The following SFRP1 variants were observed in gnomAD, a reference collection of about 807,000 sequenced individuals.
The protein encoded by SFRP1 is secreted frizzled related protein 1.
In SFRP1, 9 loss-of-function variants were observed where a neutral mutation model predicts 25.9. The ratio of observed to expected loss-of-function variants is 0.35; its 90% CI spans 0.21 to 0.61. The LOEUF (loss-of-function observed/expected upper bound fraction) is 0.61. SFRP1 is among the 20% of genes least tolerant of loss of function. The pLI, the probability that SFRP1 is intolerant of heterozygous loss-of-function variation, is 0.78. For synonymous variants in SFRP1, 178 were observed against 174.0 expected (o/e 1.02, Z -0.18); for missense variants, 346 against 418.2 (o/e 0.83, Z 1.51).
At chr8:41,273,573 G>A (rs1194237624) in intron 2 of SFRP1, among the ~76,000 whole-genome samples, 1 of 152,062 alleles carries the variant, frequency 6.6e-6, no homozygotes, top group Non-Finnish European at 1.5e-5. Context: ...ATAAGAGAAG[G>A]AATGATTAAA....
At chr8:41,265,511 G>C in intron 2 of SFRP1, 22 bp from the exon 3 acceptor site, 10 of 1,549,456 alleles carry the variant, frequency 6.5e-6, no homozygotes, top group Non-Finnish European at 7.9e-6. Context: ...GAGGACAGAA[G>C]AAGAGAAAAG....
At chr8:41,287,164 C>T (rs1240307597) in intron 2 of SFRP1, among the ~76,000 whole-genome samples, 2 of 152,232 alleles carry the variant, frequency 1.3e-5, no homozygotes, top group Non-Finnish European at 1.5e-5. Context: ...AGCCTTGGCC[C>T]TCACATCTGT....
chr8:41,304,140 G>A (rs1032660594), intron 1 of SFRP1, among the ~76,000 whole-genome samples: 2 of 152,146 alleles, frequency 1.3e-5, no homozygotes, highest in African/African-American at 2.4e-5. Context: ...TGCCAAATGG[G>A]AGGACAGGGC....
Position 41,308,839 on chromosome 8 carries a change from G to A in SFRP1, c.321C>T (p.Ala107=), listed in dbSNP as rs774962972. Residue 107 remains alanine, a synonymous_variant, in exon 1 of 3, where the codon GCC becomes GCT. Coordinates refer to ENST00000220772, the MANE Select transcript of SFRP1 (RefSeq NM_003012.5). ...GCGAGCAGAGGAAGACCTGGGTGCCGGCGTGGCAGTTCTTGTTGAGCAGGG... is the reference window on the plus strand; with the variant it reads ...GCGAGCAGAGGAAGACCTGGGTGCCAGCGTGGCAGTTCTTGTTGAGCAGGG... ...WVPLLNKNCH[A]GTQVFLCSLF... The A allele has an allele frequency of 1.0e-4, 168 of 1,609,792 alleles. No homozygotes were observed. In the Middle Eastern group the frequency reaches 4.1e-3, roughly 39 times the overall value.
Position 41,296,335 on chromosome 8 carries a change from T to A in SFRP1, c.622+7126A>T, listed in dbSNP as rs72642751. 7.2e-3 allele frequency among the ~76,000 whole-genome samples: 1,098 copies of A among 152,348 alleles called. 10 individuals are homozygous for A. The highest frequency in any genetic ancestry group is 0.01 in the Non-Finnish European group (696 of 68,034). ...TTTATTTTACTGCCAGATAAACAAC[T>A]TTCTTTGATAAATCATCCGTGTGAC... is the stretch of plus-strand genomic sequence containing the variant. On this transcript the variant is annotated intron_variant, in intron 2 of 2. Coordinates refer to ENST00000220772, the MANE Select transcript of SFRP1 (RefSeq NM_003012.5).
chr8:41,293,926 C>CTTT (rs576425485), intron 2 of SFRP1, among the ~76,000 whole-genome samples: 1 of 139,282 alleles, frequency 7.2e-6, no homozygotes, highest in Admixed American at 7.2e-5. Flanking sequence ...TATCTGGCTA[C>CTTT]TTTTTTTTTT....
chr8:41,270,336 G>GA lies in SFRP1; in HGVS notation c.623-4848dup, dbSNP rs1195007287. On this transcript the variant is annotated intron_variant, in intron 2 of 2. Transcript: ENST00000220772. ...AAACACATGCAAGAAAGTGGTAAAG[G>GA]AAAAAAGAACATATCAACATTTTGT... Among the ~76,000 whole-genome samples, 7 of 152,222 alleles carry GA rather than the reference G, an allele frequency of 4.6e-5. No homozygotes were observed. The East Asian group carries it at 7.7e-4, about 17-fold the overall frequency.
intron 2 of SFRP1, among the ~76,000 whole-genome samples, chr8:41,292,770 C>T (rs1803794080): frequency 6.6e-6 from 1 of 152,200 alleles, no homozygotes. Flanking sequence ...ATCATCTCTG[C>T]AAGAGTGCAC....
At chr8:41,306,024 C>T (rs1803991246) in intron 1 of SFRP1, among the ~76,000 whole-genome samples, 1 of 152,190 alleles carries the variant, frequency 6.6e-6, no homozygotes, top group Non-Finnish European at 1.5e-5. Context: ...CCCAGTAAAA[C>T]CAGGCAGAGA....
intron 1 of SFRP1, among the ~76,000 whole-genome samples, chr8:41,306,407 G>A (rs906511972): frequency 2.0e-5 from 3 of 152,024 alleles, no homozygotes; most frequent in Admixed American, 6.6e-5. Flanking sequence ...TGCCAGTTAC[G>A]ACCCCACAGC....
At chr8:41,269,014 G>A (rs748568507) in intron 2 of SFRP1, among the ~76,000 whole-genome samples, 8 of 152,246 alleles carry the variant, frequency 5.3e-5, no homozygotes, top group Non-Finnish European at 8.8e-5. Flanking sequence ...TCTGTAAAGT[G>A]CAGGGCACCA....
intron 2 of SFRP1, chr8:41,271,312 G>A (rs1282251492): frequency 1.3e-5 from 2 of 154,070 alleles, no homozygotes; most frequent in Admixed American, 6.5e-5. Flanking sequence ...GTGAATGGCA[G>A]AGACTGTAAC....
chr8:41,262,517 A>G lies in SFRP1; in HGVS notation c.*2650T>C, dbSNP rs1468104845. 6.6e-6 allele frequency: 1 copy of G among 152,242 alleles called. No individual in the cohort carries two copies. Among genetic ancestry groups the G allele is most frequent in the Non-Finnish European group, 1.5e-5 (1 of 68,040 alleles). The allele number at this position is 152,242 out of a possible 1,614,324, so 9.4% of individuals were successfully genotyped here. A position where few individuals can be genotyped will look rare whatever the true frequency, so the allele number is the denominator to read the frequency against. On this transcript the variant is annotated 3_prime_UTR_variant, in exon 3 of 3. Transcript: ENST00000220772. The stretch of plus-strand genomic sequence containing the variant: ...GTGTTACACAGGATATTTTAAAAAT[A>G]AAATGTTTTTGGAATCCTCACCTCC...
At chr8:41,287,601 G>A (rs1018527867) in intron 2 of SFRP1, among the ~76,000 whole-genome samples, 4 of 152,180 alleles carry the variant, frequency 2.6e-5, no homozygotes, top group East Asian at 1.9e-4. Flanking sequence ...TGATGCTTTC[G>A]ATCTCAGGGT....
intron 2 of SFRP1, among the ~76,000 whole-genome samples, chr8:41,289,640 G>T (rs909911889): frequency 1.3e-5 from 2 of 152,156 alleles, no homozygotes; most frequent in Non-Finnish European, 2.9e-5. Context: ...GCTAACCGCT[G>T]GAATCCTCTA....
chr8:41,268,141 A>G (rs921598987), intron 2 of SFRP1, among the ~76,000 whole-genome samples: 1 of 152,228 alleles, frequency 6.6e-6, no homozygotes, highest in Non-Finnish European at 1.5e-5. Context: ...GTAAGGTAGT[A>G]CCCACCACAT....
rs150265890 is a variant in SFRP1, at chr8:41,292,933, C to G, written c.622+10528G>C. Reference sequence around the variant, plus strand: ...ATTTGGCACTGTGCAGACATCTCAGCTCTTAGTGCCTCTACATCTCAGAAC... The same window carrying G: ...ATTTGGCACTGTGCAGACATCTCAGGTCTTAGTGCCTCTACATCTCAGAAC... On this transcript the variant is annotated intron_variant, in intron 2 of 2. Transcript: ENST00000220772. Among the ~76,000 whole-genome samples the G allele has an allele frequency of 1.5e-3, 233 of 152,318 alleles. 1 individual carries two copies. The highest frequency in any genetic ancestry group is 5.0e-3 in the African/African-American group (208 of 41,564).
intron 2 of SFRP1, chr8:41,275,149 C>G: frequency 2.2e-6 from 1 of 446,168 alleles, no homozygotes; most frequent in Non-Finnish European, 4.5e-6. Flanking sequence ...CTGGTTCAAC[C>G]GATGCTCAAA....
Position 41,308,817 on chromosome 8 carries a change from A to G in SFRP1, c.343T>C (p.Ser115Pro). The change falls in exon 1 of 3, where the codon TCG becomes CCG. Residue 115 changes from serine to proline, a missense_variant. Transcript: ENST00000220772. Reference sequence around the variant, plus strand: ...TCCAGGCAGACGGGCGCGAAGAGCGAGCAGAGGAAGACCTGGGTGCCGGCG... The same window carrying G: ...TCCAGGCAGACGGGCGCGAAGAGCGGGCAGAGGAAGACCTGGGTGCCGGCG... ...CHAGTQVFLC[S>P]LFAPVCLDRP... 7 of 1,610,648 alleles carry G rather than the reference A, an allele frequency of 4.3e-6. No individual in the cohort carries two copies. The highest frequency in any genetic ancestry group is 5.1e-6 in the Non-Finnish European group (6 of 1,179,220).
Sources: gnomAD v4.1 joint callset for allele counts (sites outside exome capture counted in the v4.1 genomes callset) on GRCh38, gnomAD v4.1.1 for gene constraint, MANE v1.5 for transcripts, NCBI Gene and HGNC (gene_info 2026-07-23, HGNC 2026-07-21) for gene names.